PDCL3: variants seen among roughly 807,000 people sequenced by gnomAD.
PDCL3 encodes phosducin-like protein 3.
In PDCL3, 22 loss-of-function variants were observed where a neutral mutation model predicts 26.5. The observed-to-expected ratio is 0.83, with a 90% CI of 0.59 to 1.19. The LOEUF (loss-of-function observed/expected upper bound fraction) is 1.19, where lower values mean the gene tolerates loss of function less well. Ranked by LOEUF, PDCL3 falls within the 50% of genes most tolerant of loss-of-function variation. The probability of loss-of-function intolerance (pLI) is 0.00; values close to 1 mark genes in which losing one functional copy is unlikely to be tolerated. For synonymous variants in PDCL3, 81 were observed against 104.9 expected (o/e 0.77, Z 1.39); for missense variants, 246 against 294.1 (o/e 0.84, Z 1.20).
chr2:100,563,094 G>T, intron 1 of PDCL3, 21 bp downstream of exon 1: 1 of 1,599,642 alleles, frequency 6.3e-7, no homozygotes, highest in African/African-American at 1.3e-5. Flanking sequence ...ACGGGTCTCG[G>T]GTCTGGGGGC....
At chr2:100,563,797 T>C (rs1675003754) in intron 1 of PDCL3, among the ~76,000 whole-genome samples, 1 of 151,806 alleles carries the variant, frequency 6.6e-6, no homozygotes, top group South Asian at 2.1e-4. Context: ...GATCCCGCAG[T>C]GGTCAGAAAT....
At position 100,573,956 on chromosome 2, in the gene PDCL3, T is replaced by C. The variant is rs534936999; in HGVS notation, c.577+2158T>C. On this transcript the variant is annotated intron_variant, in intron 5 of 5. Transcript: ENST00000264254. ...AGTGAACAGTAACATTAAACACTTATGTACGTATGTGTGGATATATAAAGA... is the reference window on the plus strand; with the variant it reads ...AGTGAACAGTAACATTAAACACTTACGTACGTATGTGTGGATATATAAAGA... 9.9e-5 allele frequency among the ~76,000 whole-genome samples: 15 copies of C among 152,252 alleles called. 2 individuals are homozygous for C. The East Asian group carries it at 1.5e-3, about 16-fold the overall frequency.
intron 5 of PDCL3, among the ~76,000 whole-genome samples, chr2:100,572,489 G>A (rs895663154): frequency 1.3e-5 from 2 of 151,888 alleles, no homozygotes; most frequent in African/African-American, 4.8e-5. Flanking sequence ...TGGGATTACA[G>A]ACGTGAGCCA....
At chr2:100,569,778 A>T in intron 4 of PDCL3, 57 bp downstream of exon 4, 1 of 1,572,194 alleles carries the variant, frequency 6.4e-7, no homozygotes, top group Non-Finnish European at 8.6e-7. Context: ...TGTCTTCAGG[A>T]TCTCAGGCGT....
intron 4 of PDCL3, among the ~76,000 whole-genome samples, chr2:100,570,666 C>T (rs966477158): frequency 1.4e-4 from 21 of 151,498 alleles, no homozygotes; most frequent in African/African-American, 2.9e-4. Flanking sequence ...TTAGTAGAGA[C>T]GGGGTTTCAC....
At chr2:100,571,441 CA>C (rs890461085) in intron 4 of PDCL3, 148 bp from the exon 5 acceptor site, 154 of 736,288 alleles carry the variant, frequency 2.1e-4, no homozygotes, top group Middle Eastern at 4.8e-4. Context: ...GACCCTATGT[CA>C]AAAAAAACAT....
At chr2:100,565,714 G>A (rs528310783) in intron 1 of PDCL3, among the ~76,000 whole-genome samples, 3 of 152,146 alleles carry the variant, frequency 2.0e-5, no homozygotes, top group African/African-American at 7.2e-5. Flanking sequence ...ATGGCAGCCT[G>A]TTTGTCATTG....
At position 100,573,246 on chromosome 2, in the gene PDCL3, C is replaced by T. The variant is rs140817261; in HGVS notation, c.577+1448C>T. Among the ~76,000 whole-genome samples the T allele has an allele frequency of 3.0e-4, 45 of 152,278 alleles. No individual in the cohort carries two copies. The East Asian group carries it at 6.2e-3, about 21-fold the overall frequency. On this transcript the variant is annotated intron_variant, in intron 5 of 5. Coordinates refer to ENST00000264254, the MANE Select transcript of PDCL3 (RefSeq NM_024065.5). ...TATCAAAATACATACCCACACAGAA[C>T]GTGAAGGAGAACCTCAGCCCAGAGG...
At chr2:100,566,417 C>T in intron 1 of PDCL3, 86 bp from the exon 2 acceptor site, 3 of 1,484,140 alleles carry the variant, frequency 2.0e-6, no homozygotes, top group Non-Finnish European at 2.8e-6. Context: ...CCCTTCCTGT[C>T]ACTTTTCCCA....
In PDCL3 at chr2:100,575,405, G is replaced by A. The variant is rs761412167; in HGVS notation, c.578-949G>A. ...CCACCTTGGCCTCCCAAAGTGCTGG[G>A]ATTACAGGCATGTGCCACCGCGCCC... On this transcript the variant is annotated intron_variant, in intron 5 of 5. Coordinates refer to ENST00000264254, the MANE Select transcript of PDCL3 (RefSeq NM_024065.5). Among the ~76,000 whole-genome samples, 47 of 152,200 alleles carry A rather than the reference G, an allele frequency of 3.1e-4. 1 individual carries two copies. Among genetic ancestry groups the A allele is most frequent in the Non-Finnish European group, 5.1e-4 (35 of 68,038 alleles).
chr2:100,564,871 T>C (rs1675031135), intron 1 of PDCL3, among the ~76,000 whole-genome samples: 2 of 152,204 alleles, frequency 1.3e-5, no homozygotes, highest in African/African-American at 4.8e-5. Context: ...TGCCTCTAAA[T>C]GCCGTGCCTC....
chr2:100,569,106 G>T (rs1442691976), intron 3 of PDCL3, 85 bp downstream of exon 3: 4 of 1,202,478 alleles, frequency 3.3e-6, no homozygotes, highest in Non-Finnish European at 4.8e-6. Flanking sequence ...AATAAAATGT[G>T]TGGGCTGAGC....
At chr2:100,575,102 A>G (rs1037904692) in intron 5 of PDCL3, among the ~76,000 whole-genome samples, 2 of 152,158 alleles carry the variant, frequency 1.3e-5, no homozygotes, top group African/African-American at 4.8e-5. Context: ...GTCTCCAAAA[A>G]AGTAGATTAA....
chr2:100,563,248 C>G, intron 1 of PDCL3, 175 bp downstream of exon 1: 1 of 690,066 alleles, frequency 1.4e-6, no homozygotes, highest in Non-Finnish European at 2.2e-6. Flanking sequence ...GTGGTCCCAC[C>G]AGGACCCACG....
chr2:100,570,474 C>CTTTTTTTTTTTTTTTTTTTTTT (rs762190373), intron 4 of PDCL3, among the ~76,000 whole-genome samples: 1 of 125,322 alleles, frequency 8.0e-6, no homozygotes, highest in African/African-American at 3.0e-5. Flanking sequence ...TTAGGAATTT[C>CTTTTTTTTTTTTTTTTTTTTTT]TTTTTTTTTT....
chr2:100,572,872 A>G (rs1006313225), intron 5 of PDCL3, among the ~76,000 whole-genome samples: 4 of 151,026 alleles, frequency 2.6e-5, no homozygotes, highest in African/African-American at 9.7e-5. Flanking sequence ...GCTCGGAAGG[A>G]TGTGGTTTTT....
At chr2:100,567,334 G>A (rs1206205681) in intron 2 of PDCL3, among the ~76,000 whole-genome samples, 1 of 152,158 alleles carries the variant, frequency 6.6e-6, no homozygotes, top group Non-Finnish European at 1.5e-5. Flanking sequence ...GTGCTTTTCT[G>A]GGGTTGGGGA....
At chr2:100,575,343 G>T (rs1057497323) in intron 5 of PDCL3, among the ~76,000 whole-genome samples, 41 of 152,124 alleles carry the variant, frequency 2.7e-4, no homozygotes, top group African/African-American at 7.7e-4. Flanking sequence ...CACCGTGTTA[G>T]CCAGGATGGT....
chr2:100,570,430 A>C (rs924618876), intron 4 of PDCL3, among the ~76,000 whole-genome samples: 1 of 151,022 alleles, frequency 6.6e-6, no homozygotes, highest in Non-Finnish European at 1.5e-5. Flanking sequence ...TCAGCTCTCC[A>C]GTCTTGTCTT....
Sources: allele counts gnomAD v4.1 joint callset (sites outside exome capture counted in the v4.1 genomes callset), GRCh38; gene constraint gnomAD v4.1.1; transcripts MANE v1.5; gene names NCBI Gene and HGNC (gene_info 2026-07-23, HGNC 2026-07-21).